Variants in ATP8A2 observed in about 807,000 individuals in gnomAD.
ATP8A2 encodes the protein ATPase phospholipid transporting 8A2, also known as phospholipid-transporting ATPase IB.
Under a neutral mutation model 165.6 loss-of-function variants are expected in ATP8A2, and 100 were observed. The ratio of observed to expected loss-of-function variants is 0.60; its 90% CI spans 0.51 to 0.71. The LOEUF is 0.71. Ranked by LOEUF, ATP8A2 falls within the 30% of genes least tolerant of loss-of-function variation. The pLI is 0.00. For synonymous variants in ATP8A2, 543 were observed against 548.8 expected (o/e 0.99, Z 0.15); for missense variants, 1,227 against 1,479.5 (o/e 0.83, Z 2.80).
chr13:25,452,781 A>G (rs1350844382), intron 1 of ATP8A2, among the ~76,000 whole-genome samples: 1 of 152,194 alleles, frequency 6.6e-6, no homozygotes, highest in Non-Finnish European at 1.5e-5. Context: ...AAAACTTAAT[A>G]GGAAACTTTT....
chr13:25,512,904 C>T (rs1384007202), intron 2 of ATP8A2, among the ~76,000 whole-genome samples: 33 of 132,886 alleles, frequency 2.5e-4, no homozygotes, highest in African/African-American at 6.3e-4. Flanking sequence ...GCTGGCCAGG[C>T]GGGGGGCTGA....
chr13:25,907,866 A>AT lies in ATP8A2; in HGVS notation c.3183+45462dup, dbSNP rs1953989591. On this transcript the variant is annotated intron_variant, in intron 33 of 36. Coordinates refer to ENST00000381655, the MANE Select transcript of ATP8A2 (RefSeq NM_016529.6). ...AACAGTAGAATTTGAGTAAAAAGAG[A>AT]TTTTCTTAGAGTTCTGTGATGGACC... Among the ~76,000 whole-genome samples, 3 of 152,238 alleles carry AT rather than the reference A, an allele frequency of 2.0e-5. 1 individual carries two copies. The South Asian group carries it at 6.2e-4, about 32-fold the overall frequency.
At chr13:25,616,610 G>A (rs989368376) in intron 24 of ATP8A2, among the ~76,000 whole-genome samples, 1 of 152,098 alleles carries the variant, frequency 6.6e-6, no homozygotes, top group Non-Finnish European at 1.5e-5. Flanking sequence ...GGGATTATAG[G>A]CGTGAACCAT....
chr13:25,558,747 C>T (rs1411480853), intron 13 of ATP8A2, among the ~76,000 whole-genome samples: 1 of 152,194 alleles, frequency 6.6e-6, no homozygotes, highest in Non-Finnish European at 1.5e-5. Flanking sequence ...TTGCAACTCC[C>T]TCTGCATATT....
At chr13:25,587,126 C>T (rs1380222945) in intron 23 of ATP8A2, among the ~76,000 whole-genome samples, 3 of 152,130 alleles carry the variant, frequency 2.0e-5, no homozygotes, top group Non-Finnish European at 2.9e-5. Context: ...CATTCTATAC[C>T]TGGCTCTTCT....
At chr13:25,437,805 G>T (rs2034821060) in intron 1 of ATP8A2, among the ~76,000 whole-genome samples, 1 of 152,196 alleles carries the variant, frequency 6.6e-6, no homozygotes, top group Non-Finnish European at 1.5e-5. Flanking sequence ...GTGAGAGCAT[G>T]TATACGCTGC....
At chr13:25,604,615 G>C (rs1310604197) in intron 24 of ATP8A2, among the ~76,000 whole-genome samples, 1 of 152,156 alleles carries the variant, frequency 6.6e-6, no homozygotes, top group African/African-American at 2.4e-5. Context: ...ATTGAAAGTG[G>C]TAGATATTTG....
intron 33 of ATP8A2, among the ~76,000 whole-genome samples, chr13:25,906,996 G>A (rs1953956390): frequency 6.6e-6 from 1 of 152,226 alleles, no homozygotes; most frequent in South Asian, 2.1e-4. Context: ...TTGGGAGGCT[G>A]AAGCGGGCGG....
intron 35 of ATP8A2, among the ~76,000 whole-genome samples, chr13:25,973,140 G>C (rs1050392055): frequency 2.0e-5 from 3 of 152,188 alleles, no homozygotes; most frequent in African/African-American, 7.2e-5. Context: ...CCTTTGCCAG[G>C]AAGGCAGTGG....
chr13:25,936,327 G>A (rs112669733), intron 33 of ATP8A2, among the ~76,000 whole-genome samples: 1,628 of 152,284 alleles, frequency 0.011, 26 homozygotes, highest in African/African-American at 0.037. Context: ...CAGATGTTGG[G>A]GATTATAGGG....
intron 11 of ATP8A2, among the ~76,000 whole-genome samples, chr13:25,552,681 A>C (rs1418868142): frequency 2.6e-5 from 4 of 152,180 alleles, no homozygotes; most frequent in Non-Finnish European, 4.4e-5. Context: ...AACTATTGGA[A>C]CTTAGAGATC....
intron 33 of ATP8A2, among the ~76,000 whole-genome samples, chr13:25,915,832 A>C (rs1216831133): frequency 6.6e-6 from 1 of 152,264 alleles, no homozygotes; most frequent in Non-Finnish European, 1.5e-5. Context: ...AGGTTTAATA[A>C]GTATTTAGTG....
intron 2 of ATP8A2, among the ~76,000 whole-genome samples, chr13:25,472,802 G>C (rs934575295): frequency 1.3e-5 from 2 of 152,142 alleles, no homozygotes; most frequent in Non-Finnish European, 2.9e-5. Flanking sequence ...TCCTTGGCAG[G>C]CCTGTCCTCT....
chr13:25,372,806 A>C lies in ATP8A2; in HGVS notation c.76+518A>C, dbSNP rs116957095. 0.11 allele frequency among the ~76,000 whole-genome samples: 16,782 copies of C among 152,244 alleles called. 1,224 individuals are homozygous for C. The highest frequency in any genetic ancestry group is 0.17 in the Non-Finnish European group (11,338 of 67,992). On this transcript the variant is annotated intron_variant, in intron 1 of 36. Transcript: ENST00000381655. The surrounding 1 kb of genome is among the most constrained non-coding windows in gnomAD (Gnocchi z 4.8). ...GAGCCCCGGGTCCTCGCGCGCTCAC[A>C]GCGGCGACGTACTGGCTCATAACCA...
At chr13:25,912,266 T>A (rs180912399) in intron 33 of ATP8A2, among the ~76,000 whole-genome samples, 1 of 151,938 alleles carries the variant, frequency 6.6e-6, no homozygotes, top group East Asian at 1.9e-4. Flanking sequence ...TTGGAAAACA[T>A]TATGCTAAGT....
chr13:25,756,429 C>T lies in ATP8A2; in HGVS notation c.2385-12617C>T, dbSNP rs114106874. Among the ~76,000 whole-genome samples, 1,237 of 149,268 alleles carry T rather than the reference C, an allele frequency of 8.3e-3. 23 individuals carry two copies. Among genetic ancestry groups the T allele is most frequent in the African/African-American group, 0.029 (1,171 of 40,478 alleles). The stretch of plus-strand genomic sequence containing the variant: ...TGCTGGATTCTTACAGTGTTGGGAG[C>T]GGAAGCTGTGGTACCTGTGTTCTGT... On this transcript the variant is annotated intron_variant, in intron 25 of 36. Coordinates refer to ENST00000381655, the MANE Select transcript of ATP8A2 (RefSeq NM_016529.6).
chr13:25,483,730 A>G, intron 2 of ATP8A2, among the ~76,000 whole-genome samples: 1 of 152,150 alleles, frequency 6.6e-6, no homozygotes. Flanking sequence ...GTGAGATCCT[A>G]TGTCTACAAG....
intron 33 of ATP8A2, among the ~76,000 whole-genome samples, chr13:25,865,631 A>G (rs1952487132): frequency 6.6e-6 from 1 of 152,236 alleles, no homozygotes; most frequent in South Asian, 2.1e-4. Context: ...GAATTGAATT[A>G]TTCTACACTA....
intron 34 of ATP8A2, among the ~76,000 whole-genome samples, chr13:25,964,340 A>C (rs975143879): frequency 2.6e-5 from 4 of 152,222 alleles, no homozygotes; most frequent in African/African-American, 9.6e-5. Context: ...CTCCTCAAAA[A>C]CAAGACATTT....
Sources: gnomAD v4.1 joint callset for allele counts (sites outside exome capture counted in the v4.1 genomes callset) on GRCh38, gnomAD v4.1.1 for gene constraint, Gnocchi (gnomAD v3.1) non-coding constraint, MANE v1.5 for transcripts, NCBI Gene and HGNC (gene_info 2026-07-23, HGNC 2026-07-21) for gene names.